Variants in PTPRE observed in about 807,000 individuals in gnomAD.
The protein encoded by PTPRE is protein tyrosine phosphatase receptor type E.
Under a neutral mutation model 102.0 loss-of-function variants are expected in PTPRE, and 51 were observed. That is an observed-to-expected ratio of 0.50 (90% CI 0.40 to 0.63). The LOEUF is 0.63. PTPRE is among the 30% of genes least tolerant of loss of function. The pLI is 0.00. For synonymous variants in PTPRE, 345 were observed against 348.2 expected (o/e 0.99, Z 0.10); for missense variants, 752 against 915.1 (o/e 0.82, Z 2.30).
At chr10:127,948,998 C>G (rs1242671981) in intron 1 of PTPRE, among the ~76,000 whole-genome samples, 1 of 152,210 alleles carries the variant, frequency 6.6e-6, no homozygotes, top group African/African-American at 2.4e-5. Context: ...GGGATACACC[C>G]TGCCTCTCCT....
At chr10:128,027,303 G>C (rs1306827284) in intron 2 of PTPRE, among the ~76,000 whole-genome samples, 1 of 152,214 alleles carries the variant, frequency 6.6e-6, no homozygotes, top group Non-Finnish European at 1.5e-5. Context: ...TGGTCTGTGT[G>C]GCTGTCTGCT....
chr10:127,932,199 AC>A, intron 1 of PTPRE, among the ~76,000 whole-genome samples: 1 of 152,374 alleles, frequency 6.6e-6, no homozygotes, highest in Admixed American at 6.5e-5. Context: ...AAAGAAAAAA[AC>A]ATTGAAAAAG....
In PTPRE at chr10:127,944,216, T is replaced by C. The variant is rs1021487647; in HGVS notation, c.-31+36907T>C. ...GAATCCAGGGACCAGAACTGGGGTA[T>C]AAAGTAGGACTGAGAATTAAGAGGA... On this transcript the variant is annotated intron_variant, in intron 1 of 20. Transcript: ENST00000254667. This position sits in a 1 kb window ranked among gnomAD's most constrained non-coding sequence, Gnocchi z 4.2. Among the ~76,000 whole-genome samples, 1 of 152,182 alleles carries C rather than the reference T, an allele frequency of 6.6e-6. No homozygotes were observed.
chr10:128,077,808 C>T, intron 19 of PTPRE, 25 bp downstream of exon 19: 1 of 1,569,036 alleles, frequency 6.4e-7, no homozygotes, highest in South Asian at 1.1e-5. Flanking sequence ...CGAAGCCCTC[C>T]AGGTGGGGTG....
intron 1 of PTPRE, among the ~76,000 whole-genome samples, chr10:127,957,452 C>T (rs1314027622): frequency 6.6e-6 from 1 of 152,146 alleles, no homozygotes; most frequent in Non-Finnish European, 1.5e-5. Context: ...CATAGATAAT[C>T]ATGTAATCTG....
At chr10:127,911,963 A>T (rs1845898513) in intron 1 of PTPRE, among the ~76,000 whole-genome samples, 1 of 152,098 alleles carries the variant, frequency 6.6e-6, no homozygotes, top group African/African-American at 2.4e-5. Context: ...AGGCAATAAG[A>T]GTTGGTCGAA....
At chr10:128,054,638 A>G (rs551236705) in intron 6 of PTPRE, among the ~76,000 whole-genome samples, 1 of 151,484 alleles carries the variant, frequency 6.6e-6, no homozygotes, top group African/African-American at 2.4e-5. Flanking sequence ...ACCTGTGGCC[A>G]TGGGGTTTGG....
chr10:127,984,007 G>C (rs923178117), intron 2 of PTPRE, among the ~76,000 whole-genome samples: 1 of 151,914 alleles, frequency 6.6e-6, no homozygotes, highest in Admixed American at 6.6e-5. Flanking sequence ...GGTAGTTGGC[G>C]GCCAGAGCCG....
rs943837625 is a variant in PTPRE, at chr10:128,061,781, T to C, written c.625+66T>C. ...TGAATAGCTCTTATTTCCTTCTCTG[T>C]ATGCCAACAAGACCAAGGACTTATA... is the stretch of plus-strand genomic sequence containing the variant. On this transcript the variant is annotated intron_variant, in intron 9 of 20. Transcript: ENST00000254667. The C allele has an allele frequency of 8.5e-6, 13 of 1,533,488 alleles. No homozygotes were observed. The African/African-American group carries it at 1.7e-4, about 20-fold the overall frequency. The allele number at this position is 1,533,488 out of a possible 1,614,324, so 95.0% of individuals were successfully genotyped here.
chr10:128,002,974 A>G (rs1291984460), intron 2 of PTPRE, among the ~76,000 whole-genome samples: 1 of 152,116 alleles, frequency 6.6e-6, no homozygotes, highest in African/African-American at 2.4e-5. Flanking sequence ...GATTACAGGC[A>G]TGAGCCACTG....
chr10:127,942,594 G>A (rs187197772), intron 1 of PTPRE, among the ~76,000 whole-genome samples: 14 of 152,328 alleles, frequency 9.2e-5, no homozygotes, highest in African/African-American at 3.1e-4. Flanking sequence ...CCTGGAAGAC[G>A]TACTGAGTGG....
At chr10:127,955,052 A>G (rs1317552994) in intron 1 of PTPRE, among the ~76,000 whole-genome samples, 2 of 151,918 alleles carry the variant, frequency 1.3e-5, no homozygotes, top group Non-Finnish European at 2.9e-5. Flanking sequence ...CAGACTACCA[A>G]TGGGAAATTG....
rs568505903 is a variant in PTPRE at position 127,972,195 on chromosome 10, C to A, written c.-30-10079C>A. Among the ~76,000 whole-genome samples, 3 of 152,284 alleles carry A rather than the reference C, an allele frequency of 2.0e-5. No homozygotes were observed. In the South Asian group the frequency reaches 6.2e-4, roughly 32 times the overall value. On this transcript the variant is annotated intron_variant, in intron 1 of 20. Coordinates refer to ENST00000254667, the MANE Select transcript of PTPRE (RefSeq NM_006504.6). ...GGGCAGTGACCACTTCCCCTGACCG[C>A]TGCCTGGGGACTGCTCCTCCACACA...
chr10:128,077,599 C>T lies in PTPRE; in HGVS notation c.1726-18C>T. 1 of 1,590,190 alleles carries T rather than the reference C, an allele frequency of 6.3e-7. No homozygotes were observed. The highest frequency in any genetic ancestry group is 1.1e-5 in the South Asian group (1 of 89,886). ...CCCGGCAGGCAGGCGACGCTGAGAC[C>T]CCCTCTCCTCCCTGCAGCCCCAGGC... On this transcript the variant is annotated intron_variant, in intron 18 of 20. Transcript: ENST00000254667.
rs1198409408 is a variant in PTPRE at position 128,060,991 on chromosome 10, C to G, written c.564C>G (p.Asp188Glu). 6.2e-7 allele frequency: 1 copy of G among 1,614,184 alleles called. No homozygotes were observed. Among genetic ancestry groups the G allele is most frequent in the Non-Finnish European group, 8.5e-7 (1 of 1,180,012 alleles). The change falls in exon 8 of 21, where the codon GAC (aspartate) becomes GAG (glutamate). Residue 188 changes from aspartate to glutamate, a missense_variant. Physicochemically the swap from Asp to Glu is conservative, Grantham distance 45. Around this residue, in one of 2 missense-constraint regions of PTPRE, gnomAD observed 636 missense variants for 824.4 expected, o/e 0.77. Transcript: ENST00000254667. The part of the protein sequence containing the change: ...LSQLDGIPCS[D>E]YINASYIDGY... Reference sequence around the variant, plus strand: ...AACTGGATGGAATTCCCTGTTCAGACTACATCAATGCTTCCTACATAGATG... The same window carrying G: ...AACTGGATGGAATTCCCTGTTCAGAGTACATCAATGCTTCCTACATAGATG...
At chr10:128,075,680 A>T (rs949331238) in intron 17 of PTPRE, among the ~76,000 whole-genome samples, 1 of 152,232 alleles carries the variant, frequency 6.6e-6, no homozygotes, top group African/African-American at 2.4e-5. Flanking sequence ...CATACCTAGT[A>T]TGGTATTCTC....
chr10:128,025,737 G>A (rs1437778665), intron 2 of PTPRE, among the ~76,000 whole-genome samples: 5 of 152,068 alleles, frequency 3.3e-5, no homozygotes, highest in Admixed American at 1.3e-4. Context: ...CCTACATGTC[G>A]GGCTGGACTT....
intron 1 of PTPRE, among the ~76,000 whole-genome samples, chr10:127,974,095 T>C (rs61102903): frequency 0.15 from 23,350 of 152,172 alleles, 2,507 homozygotes; most frequent in African/African-American, 0.29. Context: ...AGAATGGGAA[T>C]GCCCAGGCTT....
chr10:128,068,008 C>T, intron 11 of PTPRE, 115 bp from the exon 12 acceptor site: 3 of 1,224,930 alleles, frequency 2.4e-6, no homozygotes, highest in South Asian at 2.9e-5. Flanking sequence ...GGATGGGCCC[C>T]TCCCCTACGC....
Sources: gnomAD v4.1 joint callset for allele counts (sites outside exome capture counted in the v4.1 genomes callset) on GRCh38, gnomAD v4.1.1 for gene constraint, gnomAD v4.1.1 regional missense constraint, Gnocchi (gnomAD v3.1) non-coding constraint, MANE v1.5 for transcripts, NCBI Gene and HGNC (gene_info 2026-07-23, HGNC 2026-07-21) for gene names.